Variants in PRKCB observed in about 807,000 individuals in gnomAD.
PRKCB encodes protein kinase C beta type.
Under a neutral mutation model 81.5 loss-of-function variants are expected in PRKCB, and 13 were observed. The ratio of observed to expected loss-of-function variants is 0.16; its 90% CI spans 0.10 to 0.25. The LOEUF (loss-of-function observed/expected upper bound fraction) is 0.25. PRKCB is among the 10% of genes least tolerant of loss of function. PRKCB has a pLI of 1.00. For synonymous variants in PRKCB, 335 were observed against 321.4 expected, an observed-to-expected ratio of 1.04 and a Z score of -0.45; for missense variants, 509 against 875.7, an observed-to-expected ratio of 0.58 and a Z score of 5.29.
chr16:24,047,366 T>TA (rs1965780433), intron 5 of PRKCB, among the ~76,000 whole-genome samples: 1 of 151,176 alleles, frequency 6.6e-6, no homozygotes. Context: ...TAAAATAAAA[T>TA]AAAATAAAAT....
chr16:24,218,793 G>A lies in PRKCB; in HGVS notation c.*3977G>A, dbSNP rs1968273111. 10 of 985,464 alleles carry A rather than the reference G, an allele frequency of 1.0e-5. No individual in the cohort carries two copies. Among genetic ancestry groups the A allele is most frequent in the South Asian group, 4.7e-5 (1 of 21,288 alleles). 61.0% of individuals were successfully genotyped at this position (985,464 alleles called of 1,614,324 possible). A position where few individuals can be genotyped will look rare whatever the true frequency, so the allele number is the denominator to read the frequency against. Reference sequence around the variant, plus strand: ...GCAACTTTGGCTGCAGCCCGGGAATGTGCAGGGCACTAGGGAATACAAGGC... The same window carrying A: ...GCAACTTTGGCTGCAGCCCGGGAATATGCAGGGCACTAGGGAATACAAGGC... On this transcript the variant is annotated 3_prime_UTR_variant, in exon 17 of 17. Coordinates refer to ENST00000643927, the MANE Select transcript of PRKCB (RefSeq NM_002738.7).
chr16:23,971,247 CCT>C (rs1964551586), intron 2 of PRKCB, among the ~76,000 whole-genome samples: 1 of 152,124 alleles, frequency 6.6e-6, no homozygotes, highest in Middle Eastern at 3.2e-3. Context: ...AGAAAAATTC[CCT>C]GTGGATGAAG....
At chr16:23,837,154 G>T in intron 1 of PRKCB, 1 of 633,928 alleles carries the variant, frequency 1.6e-6, no homozygotes, top group Non-Finnish European at 2.8e-6. Flanking sequence ...CCACCTGGTG[G>T]TCGCAGCCTC....
chr16:24,096,666 A>AAAAAAAAAAAAAAAAT (rs1406204037), intron 7 of PRKCB, among the ~76,000 whole-genome samples: 3 of 32,710 alleles, frequency 9.2e-5, no homozygotes, highest in African/African-American at 1.9e-4. Context: ...AAAAAAAAAA[A>AAAAAAAAAAAAAAAAT]ATATATATAT....
chr16:23,975,783 G>A (rs1277524836), intron 2 of PRKCB, among the ~76,000 whole-genome samples: 2 of 152,184 alleles, frequency 1.3e-5, no homozygotes, highest in Non-Finnish European at 2.9e-5. Flanking sequence ...CGAAGCACAA[G>A]AGAAATAAGG....
chr16:24,103,189 C>G (rs1416446096), intron 7 of PRKCB, among the ~76,000 whole-genome samples: 4 of 152,166 alleles, frequency 2.6e-5, no homozygotes, highest in East Asian at 1.9e-4. Context: ...AATGAACAAG[C>G]ATTTAAGGGA....
At chr16:24,139,299 T>C (rs1341017092) in intron 9 of PRKCB, among the ~76,000 whole-genome samples, 4 of 152,234 alleles carry the variant, frequency 2.6e-5, no homozygotes, top group Admixed American at 6.5e-5. Context: ...TCAATTCTAC[T>C]GGTATCAACA....
At chr16:23,896,031 T>C (rs1319985195) in intron 2 of PRKCB, among the ~76,000 whole-genome samples, 2 of 151,834 alleles carry the variant, frequency 1.3e-5, no homozygotes, top group African/African-American at 2.4e-5. Context: ...ATTTTTTCTT[T>C]AAATTATGAA....
chr16:23,857,117 C>T (rs1039089677), intron 2 of PRKCB, among the ~76,000 whole-genome samples: 2 of 152,152 alleles, frequency 1.3e-5, no homozygotes, highest in East Asian at 1.9e-4. Context: ...TCAGCTTTAA[C>T]ATATCACAGA....
intron 2 of PRKCB, among the ~76,000 whole-genome samples, chr16:23,980,680 G>A (rs113642978): frequency 0.037 from 5,556 of 152,080 alleles, 297 homozygotes; most frequent in African/African-American, 0.11. Flanking sequence ...ACTAGCGCTA[G>A]AATTTCTATC....
intron 2 of PRKCB, 45 bp from the exon 3 acceptor site, chr16:23,988,463 G>T (rs1407422787): frequency 2.0e-6 from 3 of 1,520,840 alleles, no homozygotes; most frequent in African/African-American, 2.7e-5. Context: ...CCTCCTCTCC[G>T]CTTTCCTTCT....
rs539975085 is a variant in PRKCB at position 23,839,003 on chromosome 16, G to A, written c.205+1597G>A. 3.3e-5 allele frequency among the ~76,000 whole-genome samples: 5 copies of A among 152,250 alleles called. No individual in the cohort carries two copies. In the South Asian group the frequency reaches 1.0e-3, roughly 32 times the overall value. ...CCGGAATGTGTAATTTCTTCTTTGA[G>A]GTTGCCTTTCACTTCCATGAATCAG... On this transcript the variant is annotated intron_variant, in intron 2 of 16. Coordinates refer to ENST00000643927, the MANE Select transcript of PRKCB (RefSeq NM_002738.7).
At chr16:24,043,471 A>G (rs930061640) in intron 5 of PRKCB, among the ~76,000 whole-genome samples, 15 of 152,044 alleles carry the variant, frequency 9.9e-5, no homozygotes, top group African/African-American at 3.1e-4. Flanking sequence ...ATATCTGTCT[A>G]TGGAACATCT....
In PRKCB at chr16:24,214,940, A is replaced by C; in HGVS notation, c.*124A>C. ...TTGATTTTCTGATGAGACTAGAGTGACAGTGTTTCAGAACCCAAATGTCCT... is the reference window on the plus strand; with the variant it reads ...TTGATTTTCTGATGAGACTAGAGTGCCAGTGTTTCAGAACCCAAATGTCCT... On this transcript the variant is annotated 3_prime_UTR_variant, in exon 17 of 17. Transcript: ENST00000643927. 1 of 1,511,456 alleles carries C rather than the reference A, an allele frequency of 6.6e-7. No individual in the cohort carries two copies. Among genetic ancestry groups the C allele is most frequent in the South Asian group, 1.3e-5 (1 of 75,304 alleles). 93.6% of individuals were successfully genotyped at this position (1,511,456 alleles called of 1,614,324 possible).
intron 2 of PRKCB, among the ~76,000 whole-genome samples, chr16:23,959,650 C>A (rs182301526): frequency 1.3e-5 from 2 of 152,292 alleles, no homozygotes; most frequent in Non-Finnish European, 2.9e-5. Flanking sequence ...GGAGTCTCCT[C>A]GGTTTGGTAC....
intron 2 of PRKCB, among the ~76,000 whole-genome samples, chr16:23,897,755 T>C (rs1963402420): frequency 6.6e-6 from 1 of 152,202 alleles, no homozygotes; most frequent in African/African-American, 2.4e-5. Context: ...CAACACTCTA[T>C]ATATCTTTAA....
At chr16:23,938,588 C>T (rs749864856) in intron 2 of PRKCB, among the ~76,000 whole-genome samples, 8 of 152,160 alleles carry the variant, frequency 5.3e-5, no homozygotes, top group Non-Finnish European at 1.0e-4. Context: ...AAAATCCTAG[C>T]ATATAAATGA....
chr16:23,987,118 A>C (rs1964812941), intron 2 of PRKCB, among the ~76,000 whole-genome samples: 1 of 152,164 alleles, frequency 6.6e-6, no homozygotes, highest in Non-Finnish European at 1.5e-5. Context: ...TTAGAATCCA[A>C]ACAAGGTCCA....
intron 2 of PRKCB, among the ~76,000 whole-genome samples, chr16:23,976,016 CA>C (rs931668281): frequency 7.2e-5 from 11 of 152,160 alleles, no homozygotes; most frequent in African/African-American, 2.4e-4. Context: ...GCTTCATTCT[CA>C]AAAAAACTTT....
Sources: allele counts gnomAD v4.1 joint callset (sites outside exome capture counted in the v4.1 genomes callset), GRCh38; gene constraint gnomAD v4.1.1; transcripts MANE v1.5; gene names NCBI Gene and HGNC (gene_info 2026-07-23, HGNC 2026-07-21).